CSMD1: variants seen among roughly 807,000 people sequenced by gnomAD.
CSMD1 encodes CUB and Sushi multiple domains 1, also known as CUB and sushi domain-containing protein 1.
A neutral mutation model predicts 417.5 loss-of-function variants in CSMD1; 213 were observed. The ratio of observed to expected loss-of-function variants is 0.51; its 90% CI spans 0.46 to 0.57. The LOEUF (loss-of-function observed/expected upper bound fraction) is 0.57, where lower values mean the gene tolerates loss of function less well. Ranked by LOEUF, CSMD1 falls within the 20% of genes least tolerant of loss-of-function variation. The pLI is 0.00. For synonymous variants in CSMD1, 2,862 were observed against 1,736.8 expected, an observed-to-expected ratio of 1.65 and a Z score of -16.11; for missense variants, 6,923 against 4,529.7, an observed-to-expected ratio of 1.53 and a Z score of -15.17.
At position 3,388,339 on chromosome 8, in the gene CSMD1, C is replaced by G. The variant is rs555131856; in HGVS notation, c.2594-657G>C. 7.9e-5 allele frequency among the ~76,000 whole-genome samples: 12 copies of G among 152,124 alleles called. No homozygotes were observed. In the East Asian group the frequency reaches 2.3e-3, roughly 29 times the overall value. ...TCATATCATTATGAGAGTTTCTTTT[C>G]TCCTCTCACATTTCTCATTTCTCTT... is the stretch of plus-strand genomic sequence containing the variant. On this transcript the variant is annotated intron_variant, in intron 17 of 69. Transcript: ENST00000635120.
At chr8:4,598,723 T>A (rs1057265143) in intron 2 of CSMD1, among the ~76,000 whole-genome samples, 59 of 152,350 alleles carry the variant, frequency 3.9e-4, no homozygotes, top group African/African-American at 1.4e-3. Context: ...GTGTGGGTAC[T>A]GGTACTCAGT....
chr8:4,882,088 C>G (rs966196694), intron 1 of CSMD1, among the ~76,000 whole-genome samples: 2 of 151,938 alleles, frequency 1.3e-5, no homozygotes, highest in Admixed American at 1.3e-4. Context: ...ATAATAAGCC[C>G]TCATTTAACC....
intron 8 of CSMD1, among the ~76,000 whole-genome samples, chr8:3,591,977 A>T (rs540868223): frequency 1.3e-5 from 2 of 152,276 alleles, no homozygotes; most frequent in Non-Finnish European, 2.9e-5. Context: ...ATGGAAAGAT[A>T]GATTGATAGA....
intron 3 of CSMD1, among the ~76,000 whole-genome samples, chr8:4,054,890 C>T (rs142201063): frequency 8.5e-4 from 130 of 152,216 alleles, no homozygotes; most frequent in African/African-American, 2.7e-3. Flanking sequence ...ACAAAGGCTA[C>T]GTCTGCCTGT....
chr8:4,127,859 G>C lies in CSMD1; in HGVS notation c.416-95760C>G, dbSNP rs115112993. On this transcript the variant is annotated intron_variant, in intron 3 of 69. Coordinates refer to ENST00000635120, the MANE Select transcript of CSMD1 (RefSeq NM_033225.6). ...TTATTGTTACTGTTTTGCAGATGAA[G>C]AAACCCAGACACTGCCAGCAAATGG... 5.2e-3 allele frequency among the ~76,000 whole-genome samples: 784 copies of C among 152,202 alleles called. 8 individuals carry two copies. The highest frequency in any genetic ancestry group is 0.017 in the African/African-American group (700 of 41,514).
chr8:3,192,896 G>C (rs1292805725), intron 33 of CSMD1, among the ~76,000 whole-genome samples: 1 of 151,580 alleles, frequency 6.6e-6, no homozygotes, highest in Admixed American at 6.6e-5. Context: ...TGTCATGTTT[G>C]CATGCTTGAG....
At chr8:3,830,818 G>A (rs902193034) in intron 5 of CSMD1, among the ~76,000 whole-genome samples, 2 of 152,098 alleles carry the variant, frequency 1.3e-5, no homozygotes, top group Admixed American at 6.6e-5. Flanking sequence ...AAAATAATTA[G>A]GAGTTATTAA....
At chr8:4,927,583 GT>G (rs558344197) in intron 1 of CSMD1, among the ~76,000 whole-genome samples, 235 of 152,214 alleles carry the variant, frequency 1.5e-3, no homozygotes, top group African/African-American at 5.1e-3. Context: ...TTACTAAATA[GT>G]TCTTAGAGGT....
chr8:3,827,171 T>C (rs1283243136), intron 5 of CSMD1, among the ~76,000 whole-genome samples: 2 of 152,192 alleles, frequency 1.3e-5, no homozygotes, highest in Non-Finnish European at 2.9e-5. Context: ...AATGTACTTA[T>C]GTTCTTGAGG....
intron 3 of CSMD1, among the ~76,000 whole-genome samples, chr8:4,373,104 A>G (rs534236334): frequency 6.6e-6 from 1 of 152,094 alleles, no homozygotes; most frequent in Non-Finnish European, 1.5e-5. Context: ...CAAAACCCCA[A>G]ACTCCAGTCT....
chr8:3,933,132 T>G (rs555592112), intron 5 of CSMD1, among the ~76,000 whole-genome samples: 1 of 137,458 alleles, frequency 7.3e-6, no homozygotes, highest in African/African-American at 2.7e-5. Flanking sequence ...ATTTTGATTT[T>G]TACCAATGTA....
At chr8:3,728,689 T>C (rs1170488085) in intron 6 of CSMD1, among the ~76,000 whole-genome samples, 1 of 151,832 alleles carries the variant, frequency 6.6e-6, no homozygotes, top group Non-Finnish European at 1.5e-5. Context: ...GAAAGAGTGC[T>C]CTTGTAATCT....
At chr8:3,292,412 A>G (rs534251954) in intron 25 of CSMD1, among the ~76,000 whole-genome samples, 1 of 152,180 alleles carries the variant, frequency 6.6e-6, no homozygotes, top group African/African-American at 2.4e-5. Flanking sequence ...GATCTGTCTA[A>G]TGTTGACAGT....
intron 26 of CSMD1, among the ~76,000 whole-genome samples, chr8:3,277,799 T>C (rs1330432416): frequency 6.6e-6 from 1 of 152,172 alleles, no homozygotes; most frequent in Non-Finnish European, 1.5e-5. Context: ...AATTGGACAT[T>C]TATTAACTAG....
At chr8:4,174,229 T>A (rs1797918053) in intron 3 of CSMD1, among the ~76,000 whole-genome samples, 1 of 152,118 alleles carries the variant, frequency 6.6e-6, no homozygotes, top group African/African-American at 2.4e-5. Flanking sequence ...GACACCGTCT[T>A]GAAAGCAAAG....
At chr8:4,033,098 A>G (rs895171217) in intron 3 of CSMD1, among the ~76,000 whole-genome samples, 1 of 149,230 alleles carries the variant, frequency 6.7e-6, no homozygotes, top group African/African-American at 2.5e-5. Flanking sequence ...TCTTTAGACA[A>G]TAACTTAACT....
intron 1 of CSMD1, among the ~76,000 whole-genome samples, chr8:4,963,307 C>T (rs141152027): frequency 4.5e-4 from 69 of 152,302 alleles, no homozygotes; most frequent in African/African-American, 1.5e-3. Context: ...TTCAAGCAAT[C>T]ATGTGCCTCA....
At chr8:3,120,106 G>C (rs1020294027) in intron 41 of CSMD1, among the ~76,000 whole-genome samples, 3 of 152,164 alleles carry the variant, frequency 2.0e-5, no homozygotes, top group Admixed American at 2.0e-4. Flanking sequence ...TATTATGACA[G>C]GTGTTTCCCA....
intron 18 of CSMD1, among the ~76,000 whole-genome samples, chr8:3,385,200 G>T (rs1433537964): frequency 7.1e-6 from 1 of 140,720 alleles, no homozygotes; most frequent in Non-Finnish European, 1.5e-5. Context: ...TATATAAATA[G>T]AAATGTAAAA....
Sources: allele counts gnomAD v4.1 joint callset (sites outside exome capture counted in the v4.1 genomes callset), GRCh38; gene constraint gnomAD v4.1.1; transcripts MANE v1.5; gene names NCBI Gene and HGNC (gene_info 2026-07-23, HGNC 2026-07-21).